The following FNBP4 variants were observed in gnomAD, a reference collection of about 807,000 sequenced individuals.
The protein encoded by FNBP4 is formin-binding protein 4.
A neutral mutation model predicts 119.3 loss-of-function variants in FNBP4; 34 were observed. The observed-to-expected ratio is 0.28, with a 90% CI of 0.22 to 0.38. FNBP4 has a LOEUF of 0.38. FNBP4 is among the 10% of genes least tolerant of loss of function. The pLI is 1.00. For missense variants in FNBP4, 1,112 were observed against 1,228.9 expected, an observed-to-expected ratio of 0.90 and a Z score of 1.42; for synonymous variants, 462 against 430.6, an observed-to-expected ratio of 1.07 and a Z score of -0.90.
chr11:47,765,487 C>G lies in FNBP4; in HGVS notation c.221-125G>C, dbSNP rs1164961386. ...ACCAACCTTTGATTTAACATTTCAG[C>G]TCTAGATTCCATCAATTTTTTAAAA... On this transcript the variant is annotated intron_variant, in intron 1 of 16. Transcript: ENST00000263773. 1.1e-5 allele frequency: 7 copies of G among 619,924 alleles called. No homozygotes were observed. In the African/African-American group the frequency reaches 1.4e-4, roughly 12 times the overall value. The allele number at this position is 619,924 out of a possible 1,614,324, so 38.4% of individuals were successfully genotyped here.
At chr11:47,765,851 CTTTTTTTTT>C (rs1167976570) in intron 1 of FNBP4, among the ~76,000 whole-genome samples, 1 of 82,170 alleles carries the variant, frequency 1.2e-5, no homozygotes, top group African/African-American at 4.5e-5. Context: ...GAGCTGGAAT[CTTTTTTTTT>C]TTTTTTTTTT....
At chr11:47,735,731 C>T (rs982777154) in intron 9 of FNBP4, among the ~76,000 whole-genome samples, 2 of 152,008 alleles carry the variant, frequency 1.3e-5, no homozygotes, top group African/African-American at 4.8e-5. Context: ...GGTTTGGAAA[C>T]AGTAAAGATT....
chr11:47,739,302 C>A (rs986758556), intron 8 of FNBP4, among the ~76,000 whole-genome samples: 2 of 152,006 alleles, frequency 1.3e-5, no homozygotes, highest in Non-Finnish European at 2.9e-5. Flanking sequence ...CGTTAATATT[C>A]CCTCTTTATT....
At chr11:47,760,716 GAGCCACCCAGCC>G (rs2097632300) in intron 2 of FNBP4, among the ~76,000 whole-genome samples, 1 of 152,048 alleles carries the variant, frequency 6.6e-6, no homozygotes, top group South Asian at 2.1e-4. Flanking sequence ...TCACAGGCGT[GAGCCACCCAGCC>G]TGGTCTTTTC....
Position 47,751,019 on chromosome 11 carries a change from T to G in FNBP4, c.803A>C (p.Glu268Ala), listed in dbSNP as rs970115374. 6.2e-6 allele frequency: 10 copies of G among 1,613,924 alleles called. No individual in the cohort carries two copies. In the Admixed American group the frequency reaches 1.5e-4, roughly 24 times the overall value. ...GTCTGTATTTACCACAAAACTAGTT[T>G]CAGCACCTGGCACAGAACTAAAAAA... ...HYQPSSVPGA[E>A]TSFVVNTDIY... The change falls in exon 6 of 17, where the codon GAA becomes GCA. Residue 268 changes from glutamate (E) to alanine (A), a missense_variant. By Grantham distance (107) the Glu-to-Ala change is moderately radical. Around this residue, in one of 2 missense-constraint regions of FNBP4, gnomAD observed 826 missense variants for 988.8 expected, o/e 0.84. Coordinates refer to ENST00000263773, the MANE Select transcript of FNBP4 (RefSeq NM_015308.5).
At chr11:47,742,106 CAT>C (rs369721881) in intron 8 of FNBP4, among the ~76,000 whole-genome samples, 6 of 152,210 alleles carry the variant, frequency 3.9e-5, no homozygotes, top group African/African-American at 1.4e-4. Flanking sequence ...CATATATACA[CAT>C]AAACACACTC....
chr11:47,723,044 G>A lies in FNBP4; in HGVS notation c.2737C>T (p.Pro913Ser). ...TTGGGAGCTGGTGGTGGTGGAGGAG[G>A]AGGAGGAGGAGGTGGTGGTGGTGGT... ...IEPPPPPPPP[P>S]PPPPPAPKMP... Residue 913 changes from proline (P) to serine (S), a missense_variant, in exon 15 of 17, where the codon CCT becomes TCT. By Grantham distance (74) the Pro-to-Ser change is moderately conservative. Around this residue, in one of 2 missense-constraint regions of FNBP4, gnomAD observed 826 missense variants for 988.8 expected, o/e 0.84. Coordinates refer to ENST00000263773, the MANE Select transcript of FNBP4 (RefSeq NM_015308.5). 1.3e-6 allele frequency: 2 copies of A among 1,582,866 alleles called. No individual in the cohort carries two copies. The highest frequency in any genetic ancestry group is 1.1e-5 in the South Asian group (1 of 87,608).
At chr11:47,748,608 C>G (rs1052391607) in intron 6 of FNBP4, among the ~76,000 whole-genome samples, 3 of 151,808 alleles carry the variant, frequency 2.0e-5, no homozygotes, top group African/African-American at 7.3e-5. Context: ...CTCCTGCACT[C>G]AAGCCATCTT....
intron 12 of FNBP4, among the ~76,000 whole-genome samples, chr11:47,727,795 C>T (rs1046086333): frequency 3.9e-5 from 6 of 152,166 alleles, no homozygotes; most frequent in Non-Finnish European, 5.9e-5. Context: ...TGATGCTTCT[C>T]CTTGCTTTTA....
Position 47,732,531 on chromosome 11 carries a change from G to A in FNBP4, c.1820+6C>T. ...TGAAAGGTGAAAAGGGGAGAAGAGT[G>A]CGTACCTGTCCCAGTGGCAGGACCA... is the stretch of plus-strand genomic sequence containing the variant. On this transcript the variant is annotated splice_donor_region_variant and intron_variant, in intron 11 of 16. Coordinates refer to ENST00000263773, the MANE Select transcript of FNBP4 (RefSeq NM_015308.5). This position sits in a 1 kb window ranked among gnomAD's most constrained non-coding sequence, Gnocchi z 4.2. 6.2e-7 allele frequency: 1 copy of A among 1,614,118 alleles called. No individual in the cohort carries two copies. The highest frequency in any genetic ancestry group is 1.7e-5 in the Admixed American group (1 of 60,000).
At position 47,732,752 on chromosome 11, in the gene FNBP4, C is replaced by T; in HGVS notation, c.1687-82G>A. 7.7e-7 allele frequency: 1 copy of T among 1,299,720 alleles called. No individual in the cohort carries two copies. Among genetic ancestry groups the T allele is most frequent in the Non-Finnish European group, 1.1e-6 (1 of 903,520 alleles). 80.5% of individuals were successfully genotyped at this position (1,299,720 alleles called of 1,614,324 possible). A position where few individuals can be genotyped will look rare whatever the true frequency, so the allele number is the denominator to read the frequency against. On this transcript the variant is annotated intron_variant, in intron 10 of 16. Transcript: ENST00000263773. The surrounding 1 kb of genome is among the most constrained non-coding windows in gnomAD (Gnocchi z 4.2). ...GCAAAGGGGATATAAACCTTCTGCT[C>T]CAAGACTATATCCCTGTGCTCTGGC...
intron 8 of FNBP4, among the ~76,000 whole-genome samples, chr11:47,738,795 C>T (rs1183257150): frequency 6.6e-6 from 1 of 150,472 alleles, no homozygotes; most frequent in Non-Finnish European, 1.5e-5. Context: ...ATTCTCCTGC[C>T]TCAGCCTTCC....
intron 13 of FNBP4, 74 bp from the exon 14 acceptor site, chr11:47,724,246 G>A: frequency 1.3e-6 from 2 of 1,569,684 alleles, no homozygotes; most frequent in Middle Eastern, 1.7e-4. Flanking sequence ...TCCTTTTTTT[G>A]AGACAGGCTC....
rs1012349961 is a variant in FNBP4 at position 47,765,997 on chromosome 11, G to A, written c.221-635C>T. Among the ~76,000 whole-genome samples, 19 of 151,486 alleles carry A rather than the reference G, an allele frequency of 1.3e-4. No homozygotes were observed. The East Asian group carries it at 3.7e-3, about 30-fold the overall frequency. ...CACCGTGCCCTGGAGTCTTTCATCT[G>A]CTTACAAACTTCAACATCAAGGGAA... On this transcript the variant is annotated intron_variant, in intron 1 of 16. Coordinates refer to ENST00000263773, the MANE Select transcript of FNBP4 (RefSeq NM_015308.5).
chr11:47,744,980 AT>A (rs1489137262), intron 7 of FNBP4, among the ~76,000 whole-genome samples: 1 of 152,210 alleles, frequency 6.6e-6, no homozygotes, highest in African/African-American at 2.4e-5. Flanking sequence ...TGAAGATTTC[AT>A]TTTAATATGG....
chr11:47,743,441 C>T (rs2097585111), intron 8 of FNBP4, among the ~76,000 whole-genome samples: 1 of 152,068 alleles, frequency 6.6e-6, no homozygotes, highest in South Asian at 2.1e-4. Context: ...CAAGATCATG[C>T]CTTTGTACTC....
chr11:47,750,049 C>T (rs1193718425), intron 6 of FNBP4, among the ~76,000 whole-genome samples: 1 of 151,928 alleles, frequency 6.6e-6, no homozygotes, highest in Non-Finnish European at 1.5e-5. Context: ...TGCAATGATC[C>T]AAGAGGCCTC....
At chr11:47,758,462 A>G (rs981492046) in intron 2 of FNBP4, among the ~76,000 whole-genome samples, 2 of 152,146 alleles carry the variant, frequency 1.3e-5, no homozygotes, top group Admixed American at 1.3e-4. Context: ...TGAGCCTCCC[A>G]AAGTGCTGAC....
At chr11:47,738,077 T>G (rs181569452) in intron 8 of FNBP4, among the ~76,000 whole-genome samples, 2 of 152,244 alleles carry the variant, frequency 1.3e-5, no homozygotes, top group African/African-American at 4.8e-5. Flanking sequence ...GGTAACTTCC[T>G]TCCTGAACTG....
Sources: gnomAD v4.1 joint callset for allele counts (sites outside exome capture counted in the v4.1 genomes callset) on GRCh38, gnomAD v4.1.1 for gene constraint, gnomAD v4.1.1 regional missense constraint, Gnocchi (gnomAD v3.1) non-coding constraint, MANE v1.5 for transcripts, NCBI Gene and HGNC (gene_info 2026-07-23, HGNC 2026-07-21) for gene names.